The following CBFA2T2 variants were observed in gnomAD, a reference collection of about 807,000 sequenced individuals.
CBFA2T2 encodes the protein CBFA2/RUNX1 partner transcriptional co-repressor 2.
A neutral mutation model predicts 62.2 loss-of-function variants in CBFA2T2; 11 were observed. The observed-to-expected ratio is 0.18, with a 90% CI of 0.11 to 0.29. The LOEUF is 0.29. Ranked by LOEUF, CBFA2T2 falls within the 10% of genes least tolerant of loss-of-function variation. The probability of loss-of-function intolerance (pLI) is 1.00; values close to 1 mark genes in which losing one functional copy is unlikely to be tolerated. For synonymous variants in CBFA2T2, 295 were observed against 287.5 expected (o/e 1.03, Z -0.27); for missense variants, 592 against 774.1 (o/e 0.76, Z 2.79).
At chr20:33,621,769 G>T (rs1257827303) in intron 4 of CBFA2T2, among the ~76,000 whole-genome samples, 1 of 152,090 alleles carries the variant, frequency 6.6e-6, no homozygotes, top group Non-Finnish European at 1.5e-5. Context: ...ACCTTCTATT[G>T]GAGCACAGCA....
chr20:33,582,014 G>A (rs965823000), intron 1 of CBFA2T2, among the ~76,000 whole-genome samples: 43 of 152,268 alleles, frequency 2.8e-4, no homozygotes, highest in African/African-American at 8.9e-4. Context: ...TGATTTGATT[G>A]TACTTATAAG....
chr20:33,530,800 G>A (rs2012037407), intron 1 of CBFA2T2, among the ~76,000 whole-genome samples: 1 of 152,064 alleles, frequency 6.6e-6, no homozygotes, highest in African/African-American at 2.4e-5. Flanking sequence ...TAAAGATGGC[G>A]CCAGGCGCGG....
At chr20:33,574,581 T>C (rs2013732566) in intron 1 of CBFA2T2, among the ~76,000 whole-genome samples, 1 of 152,184 alleles carries the variant, frequency 6.6e-6, no homozygotes, top group Non-Finnish European at 1.5e-5. Flanking sequence ...GCCGAGATTG[T>C]GCCATTGCAC....
At chr20:33,539,671 T>C (rs1001167061) in intron 1 of CBFA2T2, among the ~76,000 whole-genome samples, 1 of 150,864 alleles carries the variant, frequency 6.6e-6, no homozygotes, top group South Asian at 2.1e-4. Flanking sequence ...GAAGTAAGGT[T>C]TTTTTTGTTT....
In CBFA2T2 at chr20:33,494,243, GTA is replaced by G. The variant is rs869164142; in HGVS notation, c.34+3972_34+3973del. On this transcript the variant is annotated intron_variant, in intron 1 of 10. Coordinates refer to ENST00000342704, the MANE Select transcript of CBFA2T2 (RefSeq NM_001032999.3). ...TACTATGTATTAGGCATATATATGTGTATATATATATATATATATATATATAT... is the reference window on the plus strand; with the variant it reads ...TACTATGTATTAGGCATATATATGTGTATATATATATATATATATATATAT... Among the ~76,000 whole-genome samples, 142 of 30,290 alleles carry G rather than the reference GTA, an allele frequency of 4.7e-3. 4 individuals are homozygous for G. Among genetic ancestry groups the G allele is most frequent in the African/African-American group, 0.014 (134 of 9,268 alleles). The allele number at this position is 30,290 out of a possible 152,430, so 19.9% of individuals were successfully genotyped here. A position where few individuals can be genotyped will look rare whatever the true frequency, so the allele number is the denominator to read the frequency against.
intron 10 of CBFA2T2, among the ~76,000 whole-genome samples, chr20:33,641,926 A>T (rs909016008): frequency 4.0e-5 from 6 of 150,742 alleles, no homozygotes; most frequent in African/African-American, 1.5e-4. Context: ...TAAATGGTCC[A>T]TTTCAGTATT....
At chr20:33,532,939 A>G (rs1025841008) in intron 1 of CBFA2T2, among the ~76,000 whole-genome samples, 6 of 152,184 alleles carry the variant, frequency 3.9e-5, no homozygotes, top group Non-Finnish European at 7.3e-5. Context: ...CTCACTGCCT[A>G]CAGATGATGT....
intron 8 of CBFA2T2, among the ~76,000 whole-genome samples, chr20:33,635,883 C>A (rs1418902848): frequency 1.5e-4 from 22 of 151,382 alleles, no homozygotes; most frequent in Non-Finnish European, 3.2e-4. Context: ...CCCTGTCACA[C>A]ACAAAAAAGT....
At chr20:33,551,676 C>T (rs546064825) in intron 1 of CBFA2T2, among the ~76,000 whole-genome samples, 1 of 151,798 alleles carries the variant, frequency 6.6e-6, no homozygotes, top group South Asian at 2.1e-4. Context: ...GGATTACAGG[C>T]GTGTGTCACC....
rs147943922 is a variant in CBFA2T2 at position 33,529,359 on chromosome 20, A to G, written c.34+39058A>G. 6.2e-3 allele frequency among the ~76,000 whole-genome samples: 943 copies of G among 152,220 alleles called. 16 individuals carry two copies. Among genetic ancestry groups the G allele is most frequent in the African/African-American group, 0.022 (906 of 41,540 alleles). On this transcript the variant is annotated intron_variant, in intron 1 of 10. Transcript: ENST00000342704. ...TTTTTACCTTACGACATTTTCTCAC[A>G]GATTCATGTTCTCCTTTGGTAACCT... is the stretch of plus-strand genomic sequence containing the variant.
At chr20:33,616,747 A>G (rs1281761891) in intron 3 of CBFA2T2, among the ~76,000 whole-genome samples, 1 of 151,936 alleles carries the variant, frequency 6.6e-6, no homozygotes, top group East Asian at 1.9e-4. Flanking sequence ...AAAAGATGTA[A>G]GCATTGGAGA....
chr20:33,635,101 C>G (rs373972688), intron 8 of CBFA2T2, among the ~76,000 whole-genome samples: 1 of 152,114 alleles, frequency 6.6e-6, no homozygotes, highest in East Asian at 1.9e-4. Context: ...ACCTGCAAGA[C>G]AGTTCCAGGT....
chr20:33,602,196 G>T (rs2015165914), intron 1 of CBFA2T2, among the ~76,000 whole-genome samples: 1 of 151,820 alleles, frequency 6.6e-6, no homozygotes, highest in Non-Finnish European at 1.5e-5. Context: ...GTCCATTATG[G>T]TACCCTTCAT....
chr20:33,556,294 G>T (rs1036892039), intron 1 of CBFA2T2, among the ~76,000 whole-genome samples: 1 of 152,054 alleles, frequency 6.6e-6, no homozygotes, highest in Non-Finnish European at 1.5e-5. Flanking sequence ...TTTGGGTTTC[G>T]TTGCCGTTAC....
chr20:33,564,656 A>G (rs563341839), intron 1 of CBFA2T2, among the ~76,000 whole-genome samples: 3 of 151,988 alleles, frequency 2.0e-5, no homozygotes, highest in South Asian at 2.1e-4. Flanking sequence ...ATGGCTCACT[A>G]CAGCCTTCAC....
At chr20:33,642,836 G>A (rs921814606) in intron 10 of CBFA2T2, among the ~76,000 whole-genome samples, 2 of 152,148 alleles carry the variant, frequency 1.3e-5, no homozygotes, top group African/African-American at 4.8e-5. Context: ...TTAGAGCATA[G>A]ATCCTGGATC....
In CBFA2T2 at chr20:33,644,471, T is replaced by TGCATGGCCAGAGCCC; in HGVS notation, c.1614_1628dup (p.Ser542_Gln546dup). Reference sequence around the variant, plus strand: ...CACCACCGCCTCTGTGGTCAGAACCTGCATGGCCAGAGCCCCCACGGCCAG... The same window carrying TGCATGGCCAGAGCCC: ...CACCACCGCCTCTGTGGTCAGAACCTGCATGGCCAGAGCCCGCATGGCCAGAGCCCCCACGGCCAG... On this transcript the variant is annotated inframe_insertion, in exon 11 of 11. Coordinates refer to ENST00000342704, the MANE Select transcript of CBFA2T2 (RefSeq NM_001032999.3). The TGCATGGCCAGAGCCC allele has an allele frequency of 1.2e-6, 2 of 1,614,212 alleles. No individual in the cohort carries two copies. The highest frequency in any genetic ancestry group is 1.7e-6 in the Non-Finnish European group (2 of 1,180,040).
In CBFA2T2 at chr20:33,606,868, C is replaced by T. The variant is rs2015359618; in HGVS notation, c.35-88C>T. ...TCAGCCTATTATACCAAGCAGTCCTCTAGGGAAGTATGTTGGTATTTCAAA... is the reference window on the plus strand; with the variant it reads ...TCAGCCTATTATACCAAGCAGTCCTTTAGGGAAGTATGTTGGTATTTCAAA... On this transcript the variant is annotated intron_variant, in intron 1 of 10. Transcript: ENST00000342704. 35 of 1,321,380 alleles carry T rather than the reference C, an allele frequency of 2.6e-5. 1 individual carries two copies. The South Asian group carries it at 4.3e-4, about 16-fold the overall frequency. 81.9% of individuals were successfully genotyped at this position (1,321,380 alleles called of 1,614,324 possible).
intron 1 of CBFA2T2, among the ~76,000 whole-genome samples, chr20:33,566,605 CA>C (rs11364971): frequency 0.13 from 17,402 of 134,552 alleles, 2,596 homozygotes; most frequent in African/African-American, 0.36. Context: ...GACTCAGTCT[CA>C]AAAAAAAAAA....
Sources: allele counts gnomAD v4.1 joint callset (sites outside exome capture counted in the v4.1 genomes callset), GRCh38; gene constraint gnomAD v4.1.1; transcripts MANE v1.5; gene names NCBI Gene and HGNC (gene_info 2026-07-23, HGNC 2026-07-21).